Variants in GRM5 observed in about 807,000 individuals in gnomAD.
The protein encoded by GRM5 is glutamate metabotropic receptor 5.
A neutral mutation model predicts 83.1 loss-of-function variants in GRM5; 19 were observed. That is an observed-to-expected ratio of 0.23 (90% CI 0.16 to 0.34). The LOEUF is 0.34. Among genes scored for constraint, GRM5 ranks in the 10% least tolerant of loss-of-function variants. The pLI, the probability that GRM5 is intolerant of heterozygous loss-of-function variation, is 1.00. For synonymous variants in GRM5, 675 were observed against 633.6 expected (o/e 1.07, Z -0.98); for missense variants, 1,160 against 1,588.3 (o/e 0.73, Z 4.58).
intron 3 of GRM5, among the ~76,000 whole-genome samples, chr11:88,800,636 G>C (rs1244069505): frequency 6.6e-6 from 1 of 152,086 alleles, no homozygotes; most frequent in Admixed American, 6.6e-5. Context: ...GTGAGGAGAG[G>C]CACTCCTAAT....
At position 88,521,715 on chromosome 11, in the gene GRM5, TA is replaced by T. The variant is rs367611308; in HGVS notation, c.2726+3593del. 9.3e-3 allele frequency among the ~76,000 whole-genome samples: 1,398 copies of T among 150,926 alleles called. 15 individuals carry two copies. Among genetic ancestry groups the T allele is most frequent in the African/African-American group, 0.022 (907 of 41,170 alleles). ...GTTATACTATATTCAGACATGAGGT[TA>T]AAAAAAAAGCCTCTTCACATAAAGG... On this transcript the variant is annotated intron_variant, in intron 9 of 9. Transcript: ENST00000305447.
intron 8 of GRM5, among the ~76,000 whole-genome samples, chr11:88,531,243 G>A (rs966421753): frequency 4.6e-5 from 7 of 152,024 alleles, no homozygotes; most frequent in African/African-American, 1.4e-4. Context: ...GAGATATGGC[G>A]TAGAAATGTC....
intron 3 of GRM5, among the ~76,000 whole-genome samples, chr11:88,801,466 G>T (rs1202858175): frequency 1.3e-5 from 2 of 152,248 alleles, no homozygotes; most frequent in Admixed American, 6.5e-5. Flanking sequence ...CATTGTAAAT[G>T]TTAAATTCCA....
intron 3 of GRM5, among the ~76,000 whole-genome samples, chr11:88,808,422 T>C (rs867728849): frequency 1.2e-4 from 18 of 151,992 alleles, no homozygotes; most frequent in African/African-American, 2.9e-4. Context: ...AGAAAGAATA[T>C]TAAACAATGT....
At chr11:88,634,350 ATTT>A (rs1335027042) in intron 4 of GRM5, among the ~76,000 whole-genome samples, 1 of 152,190 alleles carries the variant, frequency 6.6e-6, no homozygotes, top group Non-Finnish European at 1.5e-5. Flanking sequence ...CTTTTAATTT[ATTT>A]TTAACTATTC....
intron 3 of GRM5, among the ~76,000 whole-genome samples, chr11:88,818,705 C>T (rs934462729): frequency 6.6e-6 from 1 of 152,100 alleles, no homozygotes; most frequent in Non-Finnish European, 1.5e-5. Flanking sequence ...TAAAGTAGTT[C>T]ATTTGCACAA....
At chr11:88,697,806 A>C (rs7480936) in intron 3 of GRM5, among the ~76,000 whole-genome samples, 148,634 of 152,326 alleles carry the variant, frequency 0.98, 72,640 homozygotes, top group East Asian at 1. Context: ...TGCAAGTGAA[A>C]TCTTTAAATA....
intron 4 of GRM5, among the ~76,000 whole-genome samples, chr11:88,612,545 T>C (rs944614165): frequency 4.6e-5 from 7 of 152,206 alleles, no homozygotes; most frequent in African/African-American, 1.7e-4. Context: ...GTAGCCACAC[T>C]GACTTCCACA....
intron 2 of GRM5, among the ~76,000 whole-genome samples, chr11:88,970,309 C>T (rs1591007203): frequency 6.6e-6 from 1 of 152,130 alleles, no homozygotes; most frequent in African/African-American, 2.4e-5. Flanking sequence ...CGAAGCTCTG[C>T]TTCTTCCATC....
chr11:88,894,675 TG>T (rs772406364), intron 2 of GRM5, among the ~76,000 whole-genome samples: 2 of 11,138 alleles, frequency 1.8e-4, no homozygotes, highest in Non-Finnish European at 3.4e-4. Flanking sequence ...TATTCCTGTT[TG>T]TGTTCTCCTC....
chr11:88,987,053 A>G (rs1223809589), intron 2 of GRM5, among the ~76,000 whole-genome samples: 3 of 152,030 alleles, frequency 2.0e-5, no homozygotes, highest in African/African-American at 7.2e-5. Context: ...TCCCAGCGTG[A>G]GCAAGGCAGA....
chr11:88,601,521 T>C (rs1937996544), intron 5 of GRM5, among the ~76,000 whole-genome samples: 1 of 152,206 alleles, frequency 6.6e-6, no homozygotes, highest in African/African-American at 2.4e-5. Flanking sequence ...ATTTTTATTC[T>C]ACTTAATATT....
At chr11:88,696,339 G>C (rs1940901737) in intron 3 of GRM5, among the ~76,000 whole-genome samples, 1 of 152,022 alleles carries the variant, frequency 6.6e-6, no homozygotes, top group Non-Finnish European at 1.5e-5. Flanking sequence ...CACAGAATGG[G>C]GGCATGGCAG....
Position 89,034,358 on chromosome 11 carries a change from A to G in GRM5, c.661+12854T>C, listed in dbSNP as rs150016566. ...TCTAAATGATATAAAATAACATTAT[A>G]TTAAACAAAAACACGACACAATTTT... On this transcript the variant is annotated intron_variant, in intron 2 of 9. Coordinates refer to ENST00000305447, the MANE Select transcript of GRM5 (RefSeq NM_001143831.3). Among the ~76,000 whole-genome samples the G allele has an allele frequency of 1.7e-3, 251 of 152,086 alleles. 3 individuals carry two copies. Among genetic ancestry groups the G allele is most frequent in the Middle Eastern group, 0.014 (4 of 294 alleles).
chr11:88,806,021 GATA>G (rs1590871715), intron 3 of GRM5, among the ~76,000 whole-genome samples: 2 of 152,332 alleles, frequency 1.3e-5, no homozygotes, highest in East Asian at 3.9e-4. Context: ...TGGAAAGGAA[GATA>G]ATAATTCAAA....
At chr11:89,044,006 T>C (rs372343810) in intron 2 of GRM5, among the ~76,000 whole-genome samples, 6 of 152,130 alleles carry the variant, frequency 3.9e-5, no homozygotes, top group African/African-American at 1.4e-4. Context: ...CAAAAGCAAA[T>C]GATGTGAATA....
intron 8 of GRM5, among the ~76,000 whole-genome samples, chr11:88,535,529 C>T (rs1942113660): frequency 1.3e-5 from 2 of 152,122 alleles, no homozygotes. Flanking sequence ...CCATTGTGTC[C>T]TTTGAGCTAC....
chr11:88,863,795 T>C (rs1474009884), intron 2 of GRM5, among the ~76,000 whole-genome samples: 7 of 151,990 alleles, frequency 4.6e-5, no homozygotes, highest in African/African-American at 1.7e-4. Flanking sequence ...CACTTAAAAA[T>C]TTAACATTTC....
chr11:88,765,489 A>G (rs1038568134), intron 3 of GRM5, among the ~76,000 whole-genome samples: 2 of 151,480 alleles, frequency 1.3e-5, no homozygotes, highest in African/African-American at 4.8e-5. Flanking sequence ...GTGTGGTTTT[A>G]GCATCTAGAT....
Sources: gnomAD v4.1 joint callset for allele counts (sites outside exome capture counted in the v4.1 genomes callset) on GRCh38, gnomAD v4.1.1 for gene constraint, MANE v1.5 for transcripts, NCBI Gene and HGNC (gene_info 2026-07-23, HGNC 2026-07-21) for gene names.